SPATA17: variants seen among roughly 807,000 people sequenced by gnomAD.
SPATA17 encodes the protein spermatogenesis-associated protein 17.
Under a neutral mutation model 62.2 loss-of-function variants are expected in SPATA17, and 53 were observed. The observed-to-expected ratio is 0.85, with a 90% confidence interval of 0.68 to 1.07. The LOEUF (loss-of-function observed/expected upper bound fraction) is 1.07, where lower values mean the gene tolerates loss of function less well. Among genes scored for constraint, SPATA17 ranks in the 50% least tolerant of loss-of-function variants. The probability of loss-of-function intolerance (pLI) is 0.00; values close to 1 mark genes in which losing one functional copy is unlikely to be tolerated. For missense variants in SPATA17, 466 were observed against 425.5 expected, an observed-to-expected ratio of 1.10 and a Z score of -0.84; for synonymous variants, 146 against 146.8, an observed-to-expected ratio of 0.99 and a Z score of 0.04.
At position 217,789,952 on chromosome 1, in the gene SPATA17, G is replaced by A. The variant is rs150598506; in HGVS notation, c.872+7630G>A. Among the ~76,000 whole-genome samples the A allele has an allele frequency of 3.0e-3, 463 of 152,250 alleles. 9 individuals carry two copies. In the East Asian group the frequency reaches 0.057, roughly 19 times the overall value. On this transcript the variant is annotated intron_variant, in intron 8 of 10. Transcript: ENST00000366933. ...CTCGGGAGGCTGAGGCACAAGAATC[G>A]CTTGAATCTGAGAGGCGGAGGTGGC...
chr1:217,740,955 T>C (rs1460087666), intron 5 of SPATA17, among the ~76,000 whole-genome samples: 2 of 152,248 alleles, frequency 1.3e-5, no homozygotes, highest in African/African-American at 2.4e-5. Context: ...TAACCTTGTA[T>C]GAAGTATTGT....
At chr1:217,631,577 A>G in intron 1 of SPATA17, 131 bp downstream of exon 1, 1 of 858,882 alleles carries the variant, frequency 1.2e-6, no homozygotes, top group East Asian at 2.6e-5. Context: ...TCTTCCCTTA[A>G]TGGGCTGCAA....
chr1:217,705,656 G>A (rs940312218), intron 5 of SPATA17, among the ~76,000 whole-genome samples: 1 of 151,846 alleles, frequency 6.6e-6, no homozygotes, highest in Non-Finnish European at 1.5e-5. Context: ...GGCCAAGATG[G>A]CCTTGATTTC....
At chr1:217,771,976 G>C (rs1409273965) in intron 6 of SPATA17, among the ~76,000 whole-genome samples, 1 of 152,064 alleles carries the variant, frequency 6.6e-6, no homozygotes, top group Non-Finnish European at 1.5e-5. Context: ...TAATCTGTAA[G>C]GTTGTAGCAA....
chr1:217,649,322 T>C (rs1189125061), intron 2 of SPATA17, among the ~76,000 whole-genome samples: 1 of 151,898 alleles, frequency 6.6e-6, no homozygotes, highest in Non-Finnish European at 1.5e-5. Flanking sequence ...CTACTAAAAA[T>C]ACAAAAATTA....
intron 9 of SPATA17, among the ~76,000 whole-genome samples, chr1:217,815,049 C>T (rs1674678414): frequency 6.6e-6 from 1 of 152,034 alleles, no homozygotes; most frequent in South Asian, 2.1e-4. Context: ...GTTTTTCTTG[C>T]TGTTGTAGGA....
At chr1:217,823,349 C>G (rs2102997974) in intron 9 of SPATA17, among the ~76,000 whole-genome samples, 1 of 152,058 alleles carries the variant, frequency 6.6e-6, no homozygotes, top group African/African-American at 2.4e-5. Context: ...CAAATTCTCC[C>G]TACAAAAGTC....
intron 9 of SPATA17, among the ~76,000 whole-genome samples, chr1:217,857,383 A>C (rs915037481): frequency 6.6e-6 from 1 of 151,918 alleles, no homozygotes; most frequent in African/African-American, 2.4e-5. Flanking sequence ...ACTTCCAAAG[A>C]CTCCTAAATT....
intron 1 of SPATA17, among the ~76,000 whole-genome samples, chr1:217,647,873 C>T (rs879326167): frequency 1.3e-5 from 2 of 152,042 alleles, no homozygotes; most frequent in Non-Finnish European, 2.9e-5. Context: ...CAGGAGCCCG[C>T]CACCACGCTT....
chr1:217,758,481 A>G (rs1171576206), intron 6 of SPATA17, among the ~76,000 whole-genome samples: 1 of 152,150 alleles, frequency 6.6e-6, no homozygotes, highest in Non-Finnish European at 1.5e-5. Flanking sequence ...TGGAGGGGAA[A>G]ACAGATACAG....
intron 1 of SPATA17, among the ~76,000 whole-genome samples, chr1:217,632,890 G>A (rs750342589): frequency 3.3e-5 from 5 of 152,094 alleles, no homozygotes; most frequent in Non-Finnish European, 4.4e-5. Context: ...ATGGAATATA[G>A]GCTTTTAAAA....
intron 4 of SPATA17, among the ~76,000 whole-genome samples, chr1:217,680,922 T>TA (rs71166016): frequency 0.29 from 17,173 of 58,282 alleles, 3,048 homozygotes; most frequent in Non-Finnish European, 0.41. Flanking sequence ...GAGACTCTGT[T>TA]AAAAAAAAAA....
chr1:217,646,979 T>C (rs1339412635), intron 1 of SPATA17, among the ~76,000 whole-genome samples: 1 of 152,108 alleles, frequency 6.6e-6, no homozygotes, highest in Non-Finnish European at 1.5e-5. Flanking sequence ...GCTGTGACAC[T>C]TACTAAAGAT....
chr1:217,657,885 T>G (rs895635138), intron 3 of SPATA17, among the ~76,000 whole-genome samples: 1 of 152,150 alleles, frequency 6.6e-6, no homozygotes, highest in Non-Finnish European at 1.5e-5. Context: ...TTCCACATGG[T>G]TGGAGAGGCC....
intron 7 of SPATA17, among the ~76,000 whole-genome samples, chr1:217,776,004 A>T (rs1334694458): frequency 6.6e-6 from 1 of 152,134 alleles, no homozygotes; most frequent in African/African-American, 2.4e-5. Flanking sequence ...TATCAATTTT[A>T]TTGAATTTAA....
At chr1:217,804,683 C>T (rs1461882273) in intron 9 of SPATA17, among the ~76,000 whole-genome samples, 1 of 152,082 alleles carries the variant, frequency 6.6e-6, no homozygotes, top group African/African-American at 2.4e-5. Context: ...ACTCATACAA[C>T]TCAATAGCAA....
chr1:217,704,259 T>A (rs1378352774), intron 5 of SPATA17, among the ~76,000 whole-genome samples: 2 of 139,802 alleles, frequency 1.4e-5, no homozygotes, highest in African/African-American at 5.3e-5. Flanking sequence ...TTTTTTTTTT[T>A]TTGAGACGGA....
At chr1:217,713,740 T>A (rs1671932237) in intron 5 of SPATA17, among the ~76,000 whole-genome samples, 1 of 152,222 alleles carries the variant, frequency 6.6e-6, no homozygotes, top group African/African-American at 2.4e-5. Flanking sequence ...AAGTGTGTAG[T>A]CATTGTGCTT....
chr1:217,718,120 C>T (rs1672049412), intron 5 of SPATA17, among the ~76,000 whole-genome samples: 1 of 152,182 alleles, frequency 6.6e-6, no homozygotes, highest in Non-Finnish European at 1.5e-5. Context: ...TCTCCCCCTG[C>T]TGACATCTAA....
Sources: gnomAD v4.1 joint callset for allele counts (sites outside exome capture counted in the v4.1 genomes callset) on GRCh38, gnomAD v4.1.1 for gene constraint, MANE v1.5 for transcripts, NCBI Gene and HGNC (gene_info 2026-07-23, HGNC 2026-07-21) for gene names.